The following MAML1 variants were observed in gnomAD, a reference collection of about 807,000 sequenced individuals.
MAML1 encodes the protein mastermind like transcriptional coactivator 1.
A neutral mutation model predicts 77.1 loss-of-function variants in MAML1; 14 were observed. The observed-to-expected ratio is 0.18, with a 90% confidence interval of 0.12 to 0.28. MAML1 has a LOEUF of 0.28. MAML1 is among the 10% of genes least tolerant of loss of function. The pLI is 1.00. For synonymous variants in MAML1, 516 were observed against 551.9 expected, an observed-to-expected ratio of 0.93 and a Z score of 0.91; for missense variants, 1,217 against 1,327.8, an observed-to-expected ratio of 0.92 and a Z score of 1.30.
At chr5:179,756,570 C>G (rs750238463) in intron 1 of MAML1, among the ~76,000 whole-genome samples, 36 of 152,102 alleles carry the variant, frequency 2.4e-4, no homozygotes, top group Non-Finnish European at 4.4e-4. Flanking sequence ...TCAGATCAAA[C>G]AGGCCTTTAT....
intron 1 of MAML1, among the ~76,000 whole-genome samples, chr5:179,739,498 T>G (rs866289175): frequency 1.3e-5 from 2 of 152,088 alleles, no homozygotes; most frequent in South Asian, 4.1e-4. Context: ...GCCCAGGAGT[T>G]CAAGACCAGC....
rs778777699 is a variant in MAML1, at chr5:179,765,432, G to T, written c.422G>T (p.Arg141Leu). The change falls in exon 2 of 5, where the codon CGC becomes CTC. Residue 141 changes from arginine to leucine, a missense_variant. By Grantham distance (102) the Arg-to-Leu change is moderately radical (BLOSUM62 -2). This residue lies in a region of MAML1 where 312 missense variants were observed against 331.4 expected (regional missense o/e 0.94). Coordinates refer to ENST00000292599, the MANE Select transcript of MAML1 (RefSeq NM_014757.5). ...GDLFPGHKKT[R>L]REAPLGVAIS... ...CTCTTTCCTGGGCATAAGAAGACTC[G>T]CCGGGAGGCCCCTCTGGGAGTTGCC... 6.2e-7 allele frequency: 1 copy of T among 1,614,124 alleles called. No individual in the cohort carries two copies. Among genetic ancestry groups the T allele is most frequent in the Non-Finnish European group, 8.5e-7 (1 of 1,180,032 alleles).
chr5:179,767,584 T>C (rs1478720234), intron 2 of MAML1, among the ~76,000 whole-genome samples: 1 of 152,232 alleles, frequency 6.6e-6, no homozygotes, highest in Non-Finnish European at 1.5e-5. Flanking sequence ...TTATTTCTAA[T>C]AGCCAAAAAC....
chr5:179,735,464 A>G (rs989667038), intron 1 of MAML1, among the ~76,000 whole-genome samples: 1 of 149,414 alleles, frequency 6.7e-6, no homozygotes, highest in African/African-American at 2.5e-5. Context: ...CTAGGGTCAC[A>G]GCAATCTCCG....
At chr5:179,733,755 G>A (rs1779115032) in intron 1 of MAML1, among the ~76,000 whole-genome samples, 4 of 152,194 alleles carry the variant, frequency 2.6e-5, no homozygotes, top group Non-Finnish European at 4.4e-5. Flanking sequence ...CATTCGAGTC[G>A]CCTGTGATGG....
intron 1 of MAML1, among the ~76,000 whole-genome samples, chr5:179,761,531 A>C (rs1779726289): frequency 6.6e-6 from 1 of 152,150 alleles, no homozygotes; most frequent in Non-Finnish European, 1.5e-5. Flanking sequence ...CCCCATCTCT[A>C]CTAAAAATAC....
chr5:179,773,652 A>G, intron 4 of MAML1: 1 of 755,666 alleles, frequency 1.3e-6, no homozygotes, highest in Non-Finnish European at 1.6e-6. Context: ...TGAAAGTTAG[A>G]TGAAGTAGGT....
chr5:179,753,348 C>T (rs980276212), intron 1 of MAML1, among the ~76,000 whole-genome samples: 20 of 152,096 alleles, frequency 1.3e-4, no homozygotes, highest in Non-Finnish European at 2.6e-4. Flanking sequence ...ATCTTTAATG[C>T]GTTTTTACTT....
At position 179,774,148 on chromosome 5, in the gene MAML1, C is replaced by T. The variant is rs955982431; in HGVS notation, c.2322C>T (p.Ala774=). The T allele has an allele frequency of 6.2e-7, 1 of 1,613,640 alleles. No individual in the cohort carries two copies. Among genetic ancestry groups the T allele is most frequent in the Non-Finnish European group, 8.5e-7 (1 of 1,180,032 alleles). ...TAGTTGCCCAGCCCCCGCCACAGGC[C>T]ACCAATGGACATGCCCACATTCCAC... ...TQIVAQPPPQ[A]TNGHAHIPRQ... Residue 774 remains alanine (A), a synonymous_variant, in exon 5 of 5, where the codon GCC becomes GCT. Transcript: ENST00000292599.
chr5:179,773,943 C>T lies in MAML1; in HGVS notation c.2117C>T (p.Ser706Phe). The T allele has an allele frequency of 6.2e-7, 1 of 1,614,242 alleles. No homozygotes were observed. The highest frequency in any genetic ancestry group is 8.5e-7 in the Non-Finnish European group (1 of 1,180,050). ...PGMNTLGPSN[S>F]SCPRVFPQAG... is the part of the protein sequence containing the mutation. ...ATGAACACCTTGGGTCCATCCAACT[C>T]CAGCTGTCCTCGAGTGTTCCCTCAG... Residue 706 changes from serine to phenylalanine, a missense_variant, in exon 5 of 5, where the codon TCC becomes TTC. Physicochemically the swap from Ser to Phe is radical, Grantham distance 155 (BLOSUM62 -2). Around this residue, in one of 3 missense-constraint regions of MAML1, gnomAD observed 884 missense variants for 949.3 expected, o/e 0.93. Transcript: ENST00000292599.
rs3797775 is a variant in MAML1 at position 179,766,825 on chromosome 5, G to T, written c.1731+84G>T. 16 of 1,188,178 alleles carry T rather than the reference G, an allele frequency of 1.3e-5. No homozygotes were observed. The highest frequency in any genetic ancestry group is 1.8e-5 in the Non-Finnish European group (16 of 868,326). 73.6% of individuals were successfully genotyped at this position (1,188,178 alleles called of 1,614,324 possible). ...ACTACTTTGGATGTTAATTGGATCC[G>T]AGGTAGTTGTGGGAAGAGGGAGGAG... On this transcript the variant is annotated intron_variant, in intron 2 of 4. Coordinates refer to ENST00000292599, the MANE Select transcript of MAML1 (RefSeq NM_014757.5). The surrounding 1 kb of genome is among the most constrained non-coding windows in gnomAD (Gnocchi z 4.0).
chr5:179,774,482 C>T lies in MAML1; in HGVS notation c.2656C>T (p.Pro886Ser), dbSNP rs1283978835. ...TAGCCCGCAATTCTCCCAGGCAGTG[C>T]CCAACAGGCCCATGGCTCCCATGAG... ...MSSPQFSQAV[P>S]NRPMAPMSSA... The change falls in exon 5 of 5, where the codon CCC (proline) becomes TCC (serine). Residue 886 changes from proline (P) to serine (S), a missense_variant. By Grantham distance (74) the Pro-to-Ser change is moderately conservative. Coordinates refer to ENST00000292599, the MANE Select transcript of MAML1 (RefSeq NM_014757.5). The T allele has an allele frequency of 2.5e-6, 4 of 1,613,306 alleles. No homozygotes were observed. The Admixed American group carries it at 6.7e-5, about 27-fold the overall frequency.
chr5:179,754,831 C>T (rs531521145), intron 1 of MAML1, among the ~76,000 whole-genome samples: 2 of 152,056 alleles, frequency 1.3e-5, no homozygotes, highest in African/African-American at 4.8e-5. Flanking sequence ...AACCACTGCT[C>T]TAGAACAAAA....
At position 179,765,953 on chromosome 5, in the gene MAML1, C is replaced by T. The variant is rs1779809242; in HGVS notation, c.943C>T (p.Pro315Ser). The T allele has an allele frequency of 6.2e-7, 1 of 1,614,128 alleles. No homozygotes were observed. Among genetic ancestry groups the T allele is most frequent in the Non-Finnish European group, 8.5e-7 (1 of 1,180,008 alleles). The change falls in exon 2 of 5, where the codon CCA (proline) becomes TCA (serine). Residue 315 changes from proline to serine, a missense_variant. Transcript: ENST00000292599. ...AAFEQEQLGS[P>S]QVRAGSAGQT... ...CTTTGAGCAAGAACAGTTAGGCTCTCCACAAGTGAGGGCCGGGTCTGCAGG... is the reference window on the plus strand; with the variant it reads ...CTTTGAGCAAGAACAGTTAGGCTCTTCACAAGTGAGGGCCGGGTCTGCAGG...
At position 179,774,080 on chromosome 5, in the gene MAML1, C is replaced by T. The variant is rs1184933036; in HGVS notation, c.2254C>T (p.Pro752Ser). The change falls in exon 5 of 5, where the codon CCT becomes TCT. Residue 752 changes from proline to serine, a missense_variant. Around this residue, in one of 3 missense-constraint regions of MAML1, gnomAD observed 884 missense variants for 949.3 expected, o/e 0.93. Coordinates refer to ENST00000292599, the MANE Select transcript of MAML1 (RefSeq NM_014757.5). The stretch of plus-strand genomic sequence containing the variant: ...TCAGTTCCCTGGCTCCCAAAACATG[C>T]CTCAGAGCAGCCTCTATGGCATGGC... ...VAQFPGSQNM[P>S]QSSLYGMASG... 1.2e-6 allele frequency: 2 copies of T among 1,614,024 alleles called. No homozygotes were observed. Among genetic ancestry groups the T allele is most frequent in the Non-Finnish European group, 1.7e-6 (2 of 1,180,024 alleles).
chr5:179,748,933 GA>G (rs1360761070), intron 1 of MAML1, among the ~76,000 whole-genome samples: 7 of 145,668 alleles, frequency 4.8e-5, no homozygotes, highest in African/African-American at 1.5e-4. Context: ...AAGAATAAGT[GA>G]GAAAAAGGTG....
chr5:179,759,902 G>T (rs1282061034), intron 1 of MAML1, among the ~76,000 whole-genome samples: 1 of 152,180 alleles, frequency 6.6e-6, no homozygotes, highest in Non-Finnish European at 1.5e-5. Context: ...GTGGGTTCAA[G>T]AAATATTAAG....
rs370675291 is a variant in MAML1, at chr5:179,766,658, A to G, written c.1648A>G (p.Ile550Val). ...MAYLPQQLSH[I>V]SHEQNSLFLM... ...TTATCTTCCCCAGCAGCTGTCCCATATAAGTCACGAGCAGAACTCCCTGTT... is the reference window on the plus strand; with the variant it reads ...TTATCTTCCCCAGCAGCTGTCCCATGTAAGTCACGAGCAGAACTCCCTGTT... The change falls in exon 2 of 5, where the codon ATA (isoleucine) becomes GTA (valine). Residue 550 changes from isoleucine (I) to valine (V), a missense_variant. This residue lies in a region of MAML1 where 884 missense variants were observed against 949.3 expected (regional missense o/e 0.93). Transcript: ENST00000292599. This position sits in a 1 kb window ranked among gnomAD's most constrained non-coding sequence, Gnocchi z 4.0. The G allele has an allele frequency of 3.7e-6, 6 of 1,609,652 alleles. No individual in the cohort carries two copies. Among genetic ancestry groups the G allele is most frequent in the Non-Finnish European group, 5.1e-6 (6 of 1,177,680 alleles).
intron 1 of MAML1, among the ~76,000 whole-genome samples, chr5:179,741,923 G>C (rs1278403406): frequency 6.6e-6 from 1 of 151,818 alleles, no homozygotes; most frequent in African/African-American, 2.4e-5. Context: ...TTTTGAGACA[G>C]AGTCTCCGTC....
Sources: allele counts gnomAD v4.1 joint callset (sites outside exome capture counted in the v4.1 genomes callset), GRCh38; gene constraint gnomAD v4.1.1; regional missense constraint gnomAD v4.1.1; non-coding constraint Gnocchi (gnomAD v3.1); transcripts MANE v1.5; gene names NCBI Gene and HGNC (gene_info 2026-07-23, HGNC 2026-07-21).